TXNDC16: variants seen among roughly 807,000 people sequenced by gnomAD.
TXNDC16 encodes the protein thioredoxin domain containing 16, also known as thioredoxin domain-containing protein 16.
In TXNDC16, 74 loss-of-function variants were observed where a neutral mutation model predicts 85.6. The observed-to-expected ratio is 0.86, with a 90% CI of 0.72 to 1.05. TXNDC16 has a LOEUF of 1.05. Ranked by LOEUF, TXNDC16 falls within the 50% of genes least tolerant of loss-of-function variation. TXNDC16 has a pLI of 0.00. For synonymous variants in TXNDC16, 335 were observed against 326.5 expected (o/e 1.03, Z -0.28); for missense variants, 959 against 947.0 (o/e 1.01, Z -0.17).
chr14:52,515,341 T>A (rs2140187527), intron 7 of TXNDC16, among the ~76,000 whole-genome samples: 1 of 152,138 alleles, frequency 6.6e-6, no homozygotes, highest in East Asian at 1.9e-4. Flanking sequence ...TTAGTTTTTT[T>A]AATCAAACTT....
At chr14:52,469,969 C>A (rs974392913) in intron 16 of TXNDC16, 68 bp downstream of exon 16, 6 of 1,386,260 alleles carry the variant, frequency 4.3e-6, no homozygotes, top group Non-Finnish European at 4.8e-6. Context: ...AAAAGATATT[C>A]TTAAAAAATA....
At chr14:52,511,193 T>C (rs373299555) in intron 9 of TXNDC16, 47 bp downstream of exon 9, 189 of 1,397,514 alleles carry the variant, frequency 1.4e-4, no homozygotes, top group Non-Finnish European at 1.7e-4. Flanking sequence ...CTTTTGCAAT[T>C]ATACAGGCAG....
At chr14:52,523,907 T>C (rs1409237549) in intron 6 of TXNDC16, among the ~76,000 whole-genome samples, 1 of 152,228 alleles carries the variant, frequency 6.6e-6, no homozygotes, top group Non-Finnish European at 1.5e-5. Context: ...GTACCACATA[T>C]GTACTATAGA....
chr14:52,536,110 A>G (rs901343635), intron 6 of TXNDC16, among the ~76,000 whole-genome samples: 10 of 152,224 alleles, frequency 6.6e-5, no homozygotes, highest in African/African-American at 2.2e-4. Flanking sequence ...CCCAAAATTC[A>G]TATGTTGAAA....
intron 16 of TXNDC16, among the ~76,000 whole-genome samples, chr14:52,463,465 C>T (rs984602651): frequency 4.6e-5 from 7 of 152,192 alleles, no homozygotes; most frequent in Non-Finnish European, 5.9e-5. Flanking sequence ...GAACCATTTG[C>T]GGCTGGGCAG....
intron 7 of TXNDC16, among the ~76,000 whole-genome samples, chr14:52,518,316 A>T (rs534413918): frequency 6.6e-6 from 1 of 152,168 alleles, no homozygotes; most frequent in Non-Finnish European, 1.5e-5. Flanking sequence ...TACCATACTC[A>T]TATCTCTATT....
intron 4 of TXNDC16, among the ~76,000 whole-genome samples, chr14:52,541,988 TA>T (rs540020743): frequency 1.6e-4 from 24 of 152,312 alleles, no homozygotes; most frequent in Admixed American, 3.3e-4. Flanking sequence ...TCCATTTTGT[TA>T]CTTCAGTTTG....
At chr14:52,491,469 A>T (rs933947254) in intron 9 of TXNDC16, among the ~76,000 whole-genome samples, 2 of 149,346 alleles carry the variant, frequency 1.3e-5, no homozygotes, top group Non-Finnish European at 3.0e-5. Flanking sequence ...AAGTGATGGG[A>T]TTACAGGCAT....
rs1409496872 is a variant in TXNDC16 at position 52,528,750 on chromosome 14, T to TA, written c.392+7968dup. Among the ~76,000 whole-genome samples, 3 of 149,418 alleles carry TA rather than the reference T, an allele frequency of 2.0e-5. No individual in the cohort carries two copies. The East Asian group carries it at 5.9e-4, about 29-fold the overall frequency. On this transcript the variant is annotated intron_variant, in intron 6 of 20. Coordinates refer to ENST00000281741, the MANE Select transcript of TXNDC16 (RefSeq NM_020784.3). ...AACTAGTTCATTTTTCAATTTATAA[T>TA]AAAAATCTGTAAGGTCAAAAGACAC...
intron 18 of TXNDC16, among the ~76,000 whole-genome samples, chr14:52,450,807 C>A (rs2035389016): frequency 6.6e-6 from 1 of 151,044 alleles, no homozygotes; most frequent in African/African-American, 2.4e-5. Context: ...AAATACAGAA[C>A]CAGCCCAAAC....
At chr14:52,530,284 T>C (rs1333417635) in intron 6 of TXNDC16, among the ~76,000 whole-genome samples, 18 of 39,934 alleles carry the variant, frequency 4.5e-4, no homozygotes, top group Admixed American at 4.0e-3. Context: ...ATTTAATATA[T>C]AATTATTATA....
chr14:52,500,242 G>A (rs539257887), intron 9 of TXNDC16, among the ~76,000 whole-genome samples: 4 of 152,118 alleles, frequency 2.6e-5, no homozygotes, highest in South Asian at 2.1e-4. Flanking sequence ...AATAAAATGC[G>A]GTATATACGT....
intron 6 of TXNDC16, among the ~76,000 whole-genome samples, chr14:52,525,349 A>C (rs1051952506): frequency 6.6e-6 from 1 of 152,018 alleles, no homozygotes; most frequent in African/African-American, 2.4e-5. Flanking sequence ...CAAGTATAAC[A>C]CATAAGAATG....
At chr14:52,468,690 C>T (rs887972612) in intron 16 of TXNDC16, among the ~76,000 whole-genome samples, 1 of 151,978 alleles carries the variant, frequency 6.6e-6, no homozygotes, top group African/African-American at 2.4e-5. Flanking sequence ...CCAGCCTGGG[C>T]AACACAGGGA....
In TXNDC16 at chr14:52,488,405, T is replaced by C; in HGVS notation, c.1066A>G (p.Ile356Val). The C allele has an allele frequency of 1.2e-6, 2 of 1,613,778 alleles. No individual in the cohort carries two copies. ...HVENNMHIEE[I>V]QEDEDNDMEG... Reference sequence around the variant, plus strand: ...ATGTCATTGTCTTCATCTTCTTGTATTTCCTCAATGTGCATATTATTTTCC... The same window carrying C: ...ATGTCATTGTCTTCATCTTCTTGTACTTCCTCAATGTGCATATTATTTTCC... Residue 356 changes from isoleucine to valine, a missense_variant, in exon 12 of 21, where the codon ATA becomes GTA. Ile to Val is a conservative substitution (Grantham distance 29). Transcript: ENST00000281741.
chr14:52,506,618 G>A (rs1304313366), intron 9 of TXNDC16, among the ~76,000 whole-genome samples: 2 of 132,766 alleles, frequency 1.5e-5, no homozygotes, highest in Non-Finnish European at 3.1e-5. Context: ...CTGCAGTGGC[G>A]CAATCTCGGC....
chr14:52,475,999 C>T lies in TXNDC16; in HGVS notation c.1313-5319G>A, dbSNP rs528785371. On this transcript the variant is annotated intron_variant, in intron 14 of 20. Transcript: ENST00000281741. ...AGAGACCCACAGATGGTTGACACCA[C>T]AGGACTCTGTGTAGACAACCCCAAG... Among the ~76,000 whole-genome samples, 15 of 152,298 alleles carry T rather than the reference C, an allele frequency of 9.8e-5. No homozygotes were observed. In the South Asian group the frequency reaches 3.1e-3, roughly 32 times the overall value.
At chr14:52,483,342 T>A (rs974828755) in intron 12 of TXNDC16, among the ~76,000 whole-genome samples, 1 of 152,200 alleles carries the variant, frequency 6.6e-6, no homozygotes, top group African/African-American at 2.4e-5. Flanking sequence ...AAAAGTCAGA[T>A]AAACTGATCA....
rs988536466 is a variant in TXNDC16 at position 52,514,985 on chromosome 14, A to G, written c.515-15T>C. On this transcript the variant is annotated splice_polypyrimidine_tract_variant and intron_variant, in intron 7 of 20. Coordinates refer to ENST00000281741, the MANE Select transcript of TXNDC16 (RefSeq NM_020784.3). ...TGCTCTGTGCTCTGAAGAAGAGATA[A>G]AGGGAGTTGGAAGACAGGAAAAAAT... 3.1e-6 allele frequency: 5 copies of G among 1,598,048 alleles called. No homozygotes were observed. Among genetic ancestry groups the G allele is most frequent in the Non-Finnish European group, 4.3e-6 (5 of 1,170,442 alleles).
Sources: allele counts gnomAD v4.1 joint callset (sites outside exome capture counted in the v4.1 genomes callset), GRCh38; gene constraint gnomAD v4.1.1; transcripts MANE v1.5; gene names NCBI Gene and HGNC (gene_info 2026-07-23, HGNC 2026-07-21).